Variants in SPAG9 observed in about 807,000 individuals in gnomAD.
SPAG9 encodes sperm associated antigen 9, also known as C-Jun-amino-terminal kinase-interacting protein 4.
SPAG9 carries 35 observed loss-of-function variants against 166.5 expected under a neutral mutation model. The ratio of observed to expected loss-of-function variants is 0.21; its 90% CI spans 0.16 to 0.28. The LOEUF is 0.28. Among genes scored for constraint, SPAG9 ranks in the 10% least tolerant of loss-of-function variants. SPAG9 has a pLI of 1.00. For synonymous variants in SPAG9, 534 were observed against 565.5 expected, an observed-to-expected ratio of 0.94 and a Z score of 0.79; for missense variants, 1,235 against 1,603.3, an observed-to-expected ratio of 0.77 and a Z score of 3.92.
At chr17:51,113,510 T>C (rs370180328) in intron 1 of SPAG9, among the ~76,000 whole-genome samples, 104 of 150,960 alleles carry the variant, frequency 6.9e-4, no homozygotes, top group African/African-American at 2.4e-3. Flanking sequence ...TAAAACCCCA[T>C]CTCTATTAAA....
At chr17:51,049,791 T>C (rs1249841516) in intron 3 of SPAG9, among the ~76,000 whole-genome samples, 1 of 152,166 alleles carries the variant, frequency 6.6e-6, no homozygotes, top group African/African-American at 2.4e-5. Flanking sequence ...AGAGACGGGG[T>C]TTCACCATGT....
At chr17:51,003,472 A>G (rs577224426) in intron 12 of SPAG9, among the ~76,000 whole-genome samples, 1 of 152,322 alleles carries the variant, frequency 6.6e-6, no homozygotes, top group South Asian at 2.1e-4. Context: ...CAAGACCAGC[A>G]TTAAGGGTAA....
chr17:50,970,512 CAAAA>C (rs369375320), intron 29 of SPAG9, among the ~76,000 whole-genome samples, 191 bp downstream of exon 29: 1 of 73,494 alleles, frequency 1.4e-5, no homozygotes. Context: ...GACGTCATCT[CAAAA>C]AAAAAAAAAA....
chr17:50,999,781 GA>G (rs1461839170), intron 13 of SPAG9, 64 bp from the exon 14 acceptor site: 3 of 1,413,838 alleles, frequency 2.1e-6, no homozygotes, highest in Non-Finnish European at 3.0e-6. Flanking sequence ...TCTTTCTGAA[GA>G]ACAAGAGACC....
Position 51,016,722 on chromosome 17 carries a change from T to C in SPAG9, c.1092-2369A>G, listed in dbSNP as rs563009732. 7.2e-5 allele frequency among the ~76,000 whole-genome samples: 11 copies of C among 152,252 alleles called. No homozygotes were observed. In the East Asian group the frequency reaches 2.1e-3, roughly 29 times the overall value. On this transcript the variant is annotated intron_variant, in intron 8 of 29. Coordinates refer to ENST00000262013, the MANE Select transcript of SPAG9 (RefSeq NM_001130528.3). ...GAGTTTGAGACCAGCCTGACCAACA[T>C]GGTGAAACCCCGTCTCTACTAAAAA...
At position 50,996,679 on chromosome 17, in the gene SPAG9, T is replaced by C; in HGVS notation, c.1854A>G (p.Leu618=). 1 of 1,614,166 alleles carries C rather than the reference T, an allele frequency of 6.2e-7. No homozygotes were observed. The highest frequency in any genetic ancestry group is 8.5e-7 in the Non-Finnish European group (1 of 1,179,996). ...CTCTCTTTTGTTCTCTGCGTGAGGC[T>C]AAACTAGCTTCAGTTCTAAAAGGAA... The part of the protein sequence containing the change: ...DFLSEETEAS[L]ASRREQKREQ... The change falls in exon 16 of 30, where the codon TTA becomes TTG. Residue 618 remains leucine (L), a synonymous_variant. Coordinates refer to ENST00000262013, the MANE Select transcript of SPAG9 (RefSeq NM_001130528.3).
intron 5 of SPAG9, among the ~76,000 whole-genome samples, chr17:51,034,117 G>A (rs1469951128): frequency 6.6e-6 from 1 of 152,110 alleles, no homozygotes; most frequent in African/African-American, 2.4e-5. Context: ...GAGGAAAAAA[G>A]CTTATAAGCA....
At chr17:51,054,116 C>CTTT (rs1157639358) in intron 3 of SPAG9, among the ~76,000 whole-genome samples, 100 of 73,932 alleles carry the variant, frequency 1.4e-3, no homozygotes, top group African/African-American at 2.4e-3. Flanking sequence ...AATGTGAGGG[C>CTTT]TTTTTTTTTT....
chr17:50,993,295 G>A, intron 19 of SPAG9, among the ~76,000 whole-genome samples: 1 of 127,022 alleles, frequency 7.9e-6, no homozygotes, highest in East Asian at 2.3e-4. Flanking sequence ...CAGCCTGGGT[G>A]ACAGAGTAAG....
intron 2 of SPAG9, among the ~76,000 whole-genome samples, chr17:51,065,280 G>A (rs2047631737): frequency 6.6e-6 from 1 of 151,856 alleles, no homozygotes; most frequent in Non-Finnish European, 1.5e-5. Flanking sequence ...CAATCCTCCC[G>A]CCTCAGCCTC....
At chr17:51,079,534 T>C (rs1235350541) in intron 2 of SPAG9, 50 bp downstream of exon 2, 4 of 1,591,996 alleles carry the variant, frequency 2.5e-6, no homozygotes, top group African/African-American at 1.4e-5. Flanking sequence ...CCACCACGTC[T>C]GGCCAAGCCC....
intron 19 of SPAG9, 98 bp downstream of exon 19, chr17:50,993,666 G>T: frequency 2.6e-6 from 3 of 1,152,928 alleles, no homozygotes; most frequent in South Asian, 1.6e-5. Context: ...TAAGCTTCAT[G>T]ACAGCAAGGT....
intron 1 of SPAG9, among the ~76,000 whole-genome samples, chr17:51,091,926 C>CCAAA (rs1568079715): frequency 6.7e-5 from 10 of 149,086 alleles, no homozygotes; most frequent in Admixed American, 2.0e-4. Flanking sequence ...GGGACTGTTT[C>CCAAA]GCCCCACTGT....
rs114353229 is a variant in SPAG9 at position 51,102,906 on chromosome 17, C to A, written c.303+17448G>T. Among the ~76,000 whole-genome samples the A allele has an allele frequency of 7.2e-5, 11 of 152,146 alleles. No individual in the cohort carries two copies. The East Asian group carries it at 1.9e-3, about 27-fold the overall frequency. ...TCTCTTGAGTAGCTGGGACTTCAGGCGTGTGTTGCTATACCCGGCTTGAAT... is the reference window on the plus strand; with the variant it reads ...TCTCTTGAGTAGCTGGGACTTCAGGAGTGTGTTGCTATACCCGGCTTGAAT... On this transcript the variant is annotated intron_variant, in intron 1 of 29. Transcript: ENST00000262013.
chr17:51,028,299 G>T (rs542013938), intron 6 of SPAG9, among the ~76,000 whole-genome samples: 15 of 152,224 alleles, frequency 9.9e-5, no homozygotes, highest in African/African-American at 3.6e-4. Context: ...TAAGTGGACA[G>T]CATTTTATAA....
chr17:51,074,348 C>G lies in SPAG9; in HGVS notation c.424+5236G>C, dbSNP rs2047908686. Among the ~76,000 whole-genome samples the G allele has an allele frequency of 2.0e-5, 3 of 152,122 alleles. No individual in the cohort carries two copies. In the South Asian group the frequency reaches 6.2e-4, roughly 31 times the overall value. ...GCTGAGGCAGGAGAATTGCTTGAAC[C>G]CAGGAGGCAGAGTGAACCGAGATGG... is the stretch of plus-strand genomic sequence containing the variant. On this transcript the variant is annotated intron_variant, in intron 2 of 29. Transcript: ENST00000262013.
chr17:51,069,103 T>C (rs2047749896), intron 2 of SPAG9, among the ~76,000 whole-genome samples: 1 of 152,092 alleles, frequency 6.6e-6, no homozygotes, highest in South Asian at 2.1e-4. Context: ...AGACTAAAAG[T>C]AGCTTTCTAA....
At chr17:51,053,966 C>T (rs1471582105) in intron 3 of SPAG9, among the ~76,000 whole-genome samples, 3 of 133,774 alleles carry the variant, frequency 2.2e-5, no homozygotes, top group Admixed American at 8.2e-5. Flanking sequence ...ACATAGAGTA[C>T]ATTGTTTAGG....
At chr17:50,971,268 T>C (rs900774543) in intron 28 of SPAG9, among the ~76,000 whole-genome samples, 7 of 152,060 alleles carry the variant, frequency 4.6e-5, no homozygotes, top group Non-Finnish European at 1.0e-4. Flanking sequence ...GATGCGCCAC[T>C]GTACTCCAGC....
Sources: gnomAD v4.1 joint callset for allele counts (sites outside exome capture counted in the v4.1 genomes callset) on GRCh38, gnomAD v4.1.1 for gene constraint, MANE v1.5 for transcripts, NCBI Gene and HGNC (gene_info 2026-07-23, HGNC 2026-07-21) for gene names.